The following CSMD3 variants were observed in gnomAD, a reference collection of about 807,000 sequenced individuals.
CSMD3 encodes CUB and sushi domain-containing protein 3.
CSMD3 carries 177 observed loss-of-function variants against 435.2 expected under a neutral mutation model. The observed-to-expected ratio is 0.41, with a 90% CI of 0.36 to 0.46. The LOEUF (loss-of-function observed/expected upper bound fraction) is 0.46. Among genes scored for constraint, CSMD3 ranks in the 20% least tolerant of loss-of-function variants. The pLI, the probability that CSMD3 is intolerant of heterozygous loss-of-function variation, is 0.34. For missense variants in CSMD3, 4,265 were observed against 4,504.6 expected (o/e 0.95, Z 1.52); for synonymous variants, 1,656 against 1,520.5 (o/e 1.09, Z -2.07).
chr8:113,080,441 C>T (rs1169789617), intron 5 of CSMD3, among the ~76,000 whole-genome samples: 1 of 152,074 alleles, frequency 6.6e-6, no homozygotes, highest in Non-Finnish European at 1.5e-5. Context: ...AAGCACTATG[C>T]TAGGCACAGA....
At chr8:112,569,668 A>G (rs1829346929) in intron 24 of CSMD3, among the ~76,000 whole-genome samples, 1 of 152,180 alleles carries the variant, frequency 6.6e-6, no homozygotes, top group African/African-American at 2.4e-5. Flanking sequence ...TAAATAGGGC[A>G]GGTATCATTT....
At chr8:112,887,316 T>A (rs2081632698) in intron 10 of CSMD3, among the ~76,000 whole-genome samples, 1 of 150,898 alleles carries the variant, frequency 6.6e-6, no homozygotes, top group East Asian at 2.0e-4. Context: ...GCTCTTATCT[T>A]GTATGCTATA....
At chr8:112,759,602 T>A (rs1023683607) in intron 13 of CSMD3, among the ~76,000 whole-genome samples, 2 of 152,140 alleles carry the variant, frequency 1.3e-5, no homozygotes, top group African/African-American at 4.8e-5. Context: ...AAACAGCAAT[T>A]GCATATGGTG....
chr8:112,625,535 C>A, intron 22 of CSMD3, among the ~76,000 whole-genome samples: 1 of 151,992 alleles, frequency 6.6e-6, no homozygotes, highest in East Asian at 1.9e-4. Context: ...TCAACTAGTT[C>A]AAATTCAAAA....
chr8:113,000,386 C>T (rs2085818357), intron 6 of CSMD3, among the ~76,000 whole-genome samples: 1 of 151,940 alleles, frequency 6.6e-6, no homozygotes, highest in Admixed American at 6.6e-5. Context: ...CAGAGCATGT[C>T]ATATATTGAC....
At chr8:112,296,028 T>C (rs2130717318) in intron 53 of CSMD3, 22 bp from the exon 54 acceptor site, 1 of 1,565,816 alleles carries the variant, frequency 6.4e-7, no homozygotes, top group South Asian at 1.1e-5. Context: ...TATAAAGTAA[T>C]ATTTTTAATA....
chr8:113,316,031 T>C (rs1431856634), intron 1 of CSMD3, among the ~76,000 whole-genome samples: 2 of 152,222 alleles, frequency 1.3e-5, no homozygotes, highest in African/African-American at 2.4e-5. Context: ...TTCAAATATA[T>C]AATATTCTGT....
intron 1 of CSMD3, among the ~76,000 whole-genome samples, chr8:113,346,647 A>G (rs2094153352): frequency 6.6e-6 from 1 of 152,100 alleles, no homozygotes; most frequent in African/African-American, 2.4e-5. Flanking sequence ...CTGCCTGTTT[A>G]GAATAAACTT....
At chr8:113,405,271 GA>G (rs1036461741) in intron 1 of CSMD3, among the ~76,000 whole-genome samples, 3 of 151,484 alleles carry the variant, frequency 2.0e-5, no homozygotes, top group Non-Finnish European at 3.0e-5. Flanking sequence ...GGATATTTTT[GA>G]GTTTTCACAA....
At chr8:112,436,279 G>A (rs2130452432) in intron 32 of CSMD3, among the ~76,000 whole-genome samples, 1 of 151,874 alleles carries the variant, frequency 6.6e-6, no homozygotes, top group Admixed American at 6.6e-5. Flanking sequence ...GTATATTAAA[G>A]TAAATATAAT....
intron 8 of CSMD3, among the ~76,000 whole-genome samples, chr8:112,952,991 T>C (rs1165014333): frequency 6.6e-6 from 1 of 151,480 alleles, no homozygotes; most frequent in East Asian, 1.9e-4. Flanking sequence ...AACAGGGATA[T>C]AGAGTTACAT....
chr8:112,479,058 G>C (rs991424734), intron 31 of CSMD3, among the ~76,000 whole-genome samples: 1 of 152,074 alleles, frequency 6.6e-6, no homozygotes, highest in African/African-American at 2.4e-5. Context: ...TCAATGTCCA[G>C]AATATCCTCC....
At position 112,937,893 on chromosome 8, in the gene CSMD3, G is replaced by A. The variant is rs567014706; in HGVS notation, c.1508+9897C>T. ...GGAGATTGATGATTAAAAAAAGATA[G>A]CATCAGCATTCAAAAATAGAATAAA... On this transcript the variant is annotated intron_variant, in intron 9 of 70. Transcript: ENST00000297405. Among the ~76,000 whole-genome samples, 167 of 152,134 alleles carry A rather than the reference G, an allele frequency of 1.1e-3. 1 individual carries two copies. Among genetic ancestry groups the A allele is most frequent in the Admixed American group, 3.1e-3 (48 of 15,260 alleles).
At chr8:113,268,615 A>G (rs1401546301) in intron 3 of CSMD3, among the ~76,000 whole-genome samples, 1 of 152,094 alleles carries the variant, frequency 6.6e-6, no homozygotes, top group Admixed American at 6.6e-5. Flanking sequence ...CTTAAACTCT[A>G]GCAATATTTA....
intron 13 of CSMD3, among the ~76,000 whole-genome samples, chr8:112,782,691 G>A (rs2132251783): frequency 6.6e-6 from 1 of 152,038 alleles, no homozygotes; most frequent in South Asian, 2.1e-4. Context: ...GATTTTAACA[G>A]CAGAAAGAGA....
intron 63 of CSMD3, among the ~76,000 whole-genome samples, chr8:112,253,833 T>C (rs909386531): frequency 2.0e-5 from 3 of 152,166 alleles, no homozygotes; most frequent in Admixed American, 1.3e-4. Flanking sequence ...TAGTGCTTTA[T>C]TGAATAACCC....
rs544894117 is a variant in CSMD3 at position 112,621,895 on chromosome 8, G to GGAGA, written c.3715+14921_3715+14922insTCTC. 3.5e-4 allele frequency among the ~76,000 whole-genome samples: 53 copies of GGAGA among 152,142 alleles called. No homozygotes were observed. The East Asian group carries it at 9.3e-3, about 27-fold the overall frequency. On this transcript the variant is annotated intron_variant, in intron 22 of 70. Coordinates refer to ENST00000297405, the MANE Select transcript of CSMD3 (RefSeq NM_198123.2). ...TGGACTCTCTTATGATCTCCAGACTGTGTATTCAACTGGAATATGCCTCTG... is the reference window on the plus strand; with the variant it reads ...TGGACTCTCTTATGATCTCCAGACTGGAGATGTATTCAACTGGAATATGCCTCTG...
intron 57 of CSMD3, 75 bp from the exon 58 acceptor site, chr8:112,287,321 G>C: frequency 6.9e-7 from 1 of 1,445,282 alleles, no homozygotes; most frequent in Non-Finnish European, 9.7e-7. Flanking sequence ...CCAAGGGCCT[G>C]GTAGGCATTT....
At chr8:112,542,752 T>G in intron 27 of CSMD3, among the ~76,000 whole-genome samples, 1 of 152,034 alleles carries the variant, frequency 6.6e-6, no homozygotes, top group East Asian at 1.9e-4. Context: ...ATAACTTGAA[T>G]AGTCAAATCA....
Sources: allele counts gnomAD v4.1 joint callset (sites outside exome capture counted in the v4.1 genomes callset), GRCh38; gene constraint gnomAD v4.1.1; transcripts MANE v1.5; gene names NCBI Gene and HGNC (gene_info 2026-07-23, HGNC 2026-07-21).